Variants in PKD1L1 observed in about 807,000 individuals in gnomAD.
PKD1L1 encodes the protein polycystin-1-like protein 1.
A neutral mutation model predicts 323.4 loss-of-function variants in PKD1L1; 236 were observed. The observed-to-expected ratio is 0.73, with a 90% CI of 0.66 to 0.81. The LOEUF is 0.81. PKD1L1 is among the 40% of genes least tolerant of loss of function. PKD1L1 has a pLI of 0.00. For missense variants in PKD1L1, 3,320 were observed against 3,508.0 expected (o/e 0.95, Z 1.35); for synonymous variants, 1,344 against 1,335.0 (o/e 1.01, Z -0.15).
chr7:47,907,526 C>T (rs761136438), intron 9 of PKD1L1, among the ~76,000 whole-genome samples: 3 of 152,186 alleles, frequency 2.0e-5, no homozygotes, highest in Admixed American at 6.5e-5. Flanking sequence ...TGGGGTGACA[C>T]GAGTGAGGCG....
At chr7:47,870,228 G>GA (rs1200142282) in intron 24 of PKD1L1, among the ~76,000 whole-genome samples, 1 of 151,440 alleles carries the variant, frequency 6.6e-6, no homozygotes, top group Non-Finnish European at 1.5e-5. Flanking sequence ...ACAAGGCGGG[G>GA]AAAAAAAGAA....
chr7:47,882,138 C>T (rs947310047), intron 19 of PKD1L1, 53 bp from the exon 20 acceptor site: 1 of 1,565,840 alleles, frequency 6.4e-7, no homozygotes, highest in Non-Finnish European at 8.8e-7. Flanking sequence ...TCATGATGAT[C>T]TTAAAGCATT....
In PKD1L1 at chr7:47,905,195, A is replaced by C; in HGVS notation, c.1653T>G (p.Thr551=). 6.2e-7 allele frequency: 1 copy of C among 1,614,088 alleles called. No individual in the cohort carries two copies. The highest frequency in any genetic ancestry group is 8.5e-7 in the Non-Finnish European group (1 of 1,180,014). ...YFGEDPPVRT[T]SRSIKKRLSI... Reference sequence around the variant, plus strand: ...TGAGTCTTTTTTTAATGCTTCTTGAAGTTGTCCTCACTGGTGGATCCTCTC... The same window carrying C: ...TGAGTCTTTTTTTAATGCTTCTTGACGTTGTCCTCACTGGTGGATCCTCTC... Residue 551 remains threonine (T), a synonymous_variant, in exon 11 of 57, where the codon ACT becomes ACG. Transcript: ENST00000289672.
At chr7:47,780,743 A>G (rs748163549) in intron 56 of PKD1L1, among the ~76,000 whole-genome samples, 2 of 152,094 alleles carry the variant, frequency 1.3e-5, no homozygotes, top group Non-Finnish European at 2.9e-5. Flanking sequence ...GTGTGGATCA[A>G]TAGTCTTTTT....
Position 47,815,335 on chromosome 7 carries a change from T to G in PKD1L1, c.7088A>C (p.Gln2363Pro). The G allele has an allele frequency of 6.2e-7, 1 of 1,613,804 alleles. No individual in the cohort carries two copies. Among genetic ancestry groups the G allele is most frequent in the Non-Finnish European group, 8.5e-7 (1 of 1,179,926 alleles). Residue 2363 changes from glutamine to proline, a missense_variant and splice_region_variant, in exon 47 of 57, where the codon CAG (glutamine) becomes CCG (proline). Gln to Pro is a moderately conservative substitution (Grantham distance 76). Transcript: ENST00000289672. ...ATGAAGAGGAGACGGAAAGCTCACC[T>G]GAGCCCCCGGCACACGGGCTGACGG... ...GTPSARVPGA[Q>P]PGALGGKCYL...
rs915257654 is a variant in PKD1L1 at position 47,895,174 on chromosome 7, C to T, written c.2272-1115G>A. On this transcript the variant is annotated intron_variant, in intron 14 of 56. Transcript: ENST00000289672. ...CAGGGCTGTTCAGGAGCAAAGGAAA[C>T]CTGAGGCTCTGACTGTGAGGTCAGA... 5.9e-5 allele frequency among the ~76,000 whole-genome samples: 9 copies of T among 152,284 alleles called. 1 individual carries two copies. The South Asian group carries it at 1.0e-3, about 18-fold the overall frequency.
intron 1 of PKD1L1, among the ~76,000 whole-genome samples, chr7:47,945,217 T>C (rs867627752): frequency 2.2e-4 from 33 of 152,256 alleles, no homozygotes; most frequent in African/African-American, 8.0e-4. Flanking sequence ...GTGTTCGCCT[T>C]TGTTCTTTCC....
chr7:47,851,329 T>C (rs1398424428), intron 31 of PKD1L1, among the ~76,000 whole-genome samples: 3 of 152,174 alleles, frequency 2.0e-5, no homozygotes, highest in African/African-American at 4.8e-5. Context: ...TCAGGAAGCA[T>C]CTTGGAGGAG....
chr7:47,957,862 A>AAATATATATATATAT, the PKD1L1 span, among the ~76,000 whole-genome samples: 3 of 134,666 alleles, frequency 2.2e-5, no homozygotes, highest in African/African-American at 5.3e-5. Flanking sequence ...ATTAAAAAAA[A>AAATATATATATATAT]ATATATATAT....
chr7:47,957,676 T>C, the PKD1L1 span, among the ~76,000 whole-genome samples: 1 of 151,932 alleles, frequency 6.6e-6, no homozygotes, highest in Admixed American at 6.6e-5. Context: ...TTGTATTTTT[T>C]GTAGAGAAAG....
At position 47,904,522 on chromosome 7, in the gene PKD1L1, A is replaced by G; in HGVS notation, c.1787T>C (p.Leu596Pro). Residue 596 changes from leucine (L) to proline (P), a missense_variant, in exon 12 of 57, where the codon CTC becomes CCC. Leu to Pro is a moderately conservative substitution (Grantham distance 98). Coordinates refer to ENST00000289672, the MANE Select transcript of PKD1L1 (RefSeq NM_138295.5). ...TACCAGAGCTGAGGAGGGGGACGTG[A>G]GCCGATTGGCCACAATTTTCTTCTG... Reference protein sequence around the residue: ...RVQKKIVANRLTSPSSALVNA... With the variant: ...RVQKKIVANRPTSPSSALVNA... The G allele has an allele frequency of 6.2e-7, 1 of 1,614,116 alleles. No homozygotes were observed. Among genetic ancestry groups the G allele is most frequent in the East Asian group, 2.2e-5 (1 of 44,878 alleles).
chr7:47,818,392 A>G (rs1453487935), intron 46 of PKD1L1, among the ~76,000 whole-genome samples: 1 of 152,254 alleles, frequency 6.6e-6, no homozygotes, highest in African/African-American at 2.4e-5. Flanking sequence ...GTACATTTAT[A>G]GCAACTAATA....
At chr7:47,890,997 T>A (rs1786804508) in intron 15 of PKD1L1, among the ~76,000 whole-genome samples, 3 of 152,132 alleles carry the variant, frequency 2.0e-5, no homozygotes. Flanking sequence ...GAGGCCTGAC[T>A]CCAGACAGCC....
In PKD1L1 at chr7:47,837,064, C is replaced by A. The variant is rs1785474346; in HGVS notation, c.5800G>T (p.Glu1934Ter). The A allele has an allele frequency of 1.9e-6, 3 of 1,614,048 alleles. No individual in the cohort carries two copies. In the African/African-American group the frequency reaches 4.0e-5, roughly 22 times the overall value. The change falls in exon 37 of 57, where the codon GAG becomes TAG. Residue 1934 changes from glutamate to a stop codon, truncating the protein, a stop_gained. Transcript: ENST00000289672. LOFTEE classifies it high-confidence loss of function. The stretch of plus-strand genomic sequence containing the variant: ...ACCGACAGCCAGACATGGAAATCCT[C>A]CAGGTACTCTGTGAACTTGCAATAG... Reference protein sequence around the residue: ...LFYCKFTEYLEDFHVWLSVYS... With the variant: ...LFYCKFTEYL
chr7:47,916,872 G>A (rs992040397), intron 7 of PKD1L1, among the ~76,000 whole-genome samples: 14 of 152,164 alleles, frequency 9.2e-5, no homozygotes, highest in African/African-American at 3.4e-4. Flanking sequence ...CTACCCAAAT[G>A]AGAAGGAACC....
At chr7:47,880,926 G>T in intron 20 of PKD1L1, 121 bp from the exon 21 acceptor site, 1 of 625,852 alleles carries the variant, frequency 1.6e-6, no homozygotes. Flanking sequence ...ATAGATACTA[G>T]TGAAACATGC....
At chr7:47,776,317 C>A (rs920098298) in intron 56 of PKD1L1, among the ~76,000 whole-genome samples, 8 of 152,194 alleles carry the variant, frequency 5.3e-5, no homozygotes, top group Admixed American at 3.9e-4. Context: ...CAAATTTATT[C>A]TAGGAGGACA....
intron 56 of PKD1L1, among the ~76,000 whole-genome samples, chr7:47,792,311 TGG>T (rs112795726): frequency 6.7e-6 from 1 of 149,986 alleles, no homozygotes; most frequent in African/African-American, 2.4e-5. Context: ...CATAGATTTC[TGG>T]GTTTTTTTTT....
At chr7:47,787,113 G>T (rs1409360117) in intron 56 of PKD1L1, among the ~76,000 whole-genome samples, 1 of 152,126 alleles carries the variant, frequency 6.6e-6, no homozygotes, top group African/African-American at 2.4e-5. Context: ...CAAACGAATT[G>T]TTTCCTCAGA....
Sources: gnomAD v4.1 joint callset for allele counts (sites outside exome capture counted in the v4.1 genomes callset) on GRCh38, gnomAD v4.1.1 for gene constraint, MANE v1.5 for transcripts, NCBI Gene and HGNC (gene_info 2026-07-23, HGNC 2026-07-21) for gene names.